The following DGKB variants were observed in gnomAD, a reference collection of about 807,000 sequenced individuals.
DGKB encodes diacylglycerol kinase beta, also known as 90 kDa diacylglycerol kinase.
In DGKB, 67 loss-of-function variants were observed where a neutral mutation model predicts 114.3. That is an observed-to-expected ratio of 0.59 (90% confidence interval 0.48 to 0.72). The LOEUF (loss-of-function observed/expected upper bound fraction) is 0.72, where lower values mean the gene tolerates loss of function less well. Among genes scored for constraint, DGKB ranks in the 30% least tolerant of loss-of-function variants. The pLI, the probability that DGKB is intolerant of heterozygous loss-of-function variation, is 0.00. For missense variants in DGKB, 907 were observed against 975.2 expected (o/e 0.93, Z 0.93); for synonymous variants, 398 against 323.1 (o/e 1.23, Z -2.49).
chr7:14,672,865 GGTAT>G, intron 13 of DGKB, 60 bp downstream of exon 13: 1 of 900,266 alleles, frequency 1.1e-6, no homozygotes, highest in Non-Finnish European at 1.7e-6. Flanking sequence ...AGCTTTTAAT[GGTAT>G]ACGATACTGA....
At chr7:14,182,800 A>G (rs1178654606) in intron 23 of DGKB, among the ~76,000 whole-genome samples, 1 of 152,170 alleles carries the variant, frequency 6.6e-6, no homozygotes, top group African/African-American at 2.4e-5. Flanking sequence ...ATGTCTCATT[A>G]TGTAATTGTT....
intron 2 of DGKB, among the ~76,000 whole-genome samples, chr7:14,785,783 C>G (rs1405363851): frequency 6.6e-6 from 1 of 152,070 alleles, no homozygotes; most frequent in Non-Finnish European, 1.5e-5. Flanking sequence ...ATTTCTGAAA[C>G]ACCACGTGAA....
At chr7:14,388,655 G>A (rs1211319024) in intron 21 of DGKB, among the ~76,000 whole-genome samples, 1 of 151,938 alleles carries the variant, frequency 6.6e-6, no homozygotes, top group Non-Finnish European at 1.5e-5. Flanking sequence ...AAAATTGTAA[G>A]AATAAGTAAA....
At chr7:14,768,599 C>T (rs1457185319) in intron 2 of DGKB, among the ~76,000 whole-genome samples, 1 of 148,012 alleles carries the variant, frequency 6.8e-6, no homozygotes, top group Non-Finnish European at 1.5e-5. Flanking sequence ...TGTTATAATT[C>T]AGGAATATCT....
Position 14,887,788 on chromosome 7 carries a change from C to T in DGKB, c.-188+14804G>A, listed in dbSNP as rs1313668620. Among the ~76,000 whole-genome samples, 7 of 151,554 alleles carry T rather than the reference C, an allele frequency of 4.6e-5. 1 individual carries two copies. The South Asian group carries it at 1.5e-3, about 31-fold the overall frequency. On this transcript the variant is annotated intron_variant, in intron 1 of 25. Transcript: ENST00000402815. Reference sequence around the variant, plus strand: ...TTTAATTTTTACTCTCTATCTTCTCCAAGAAAATGAAAATTTTAAAATATG... The same window carrying T: ...TTTAATTTTTACTCTCTATCTTCTCTAAGAAAATGAAAATTTTAAAATATG...
chr7:14,616,187 G>A lies in DGKB; in HGVS notation c.1285-2774C>T, dbSNP rs550434169. 1.0e-4 allele frequency among the ~76,000 whole-genome samples: 15 copies of A among 146,966 alleles called. No homozygotes were observed. In the South Asian group the frequency reaches 2.3e-3, roughly 23 times the overall value. ...TTCCTACATATAAAAACATTCTCTCGTATATACATATATATACATATATAT... is the reference window on the plus strand; with the variant it reads ...TTCCTACATATAAAAACATTCTCTCATATATACATATATATACATATATAT... On this transcript the variant is annotated intron_variant, in intron 15 of 25. Coordinates refer to ENST00000402815, the MANE Select transcript of DGKB (RefSeq NM_001350709.2).
At chr7:14,558,231 T>A (rs896770719) in intron 20 of DGKB, among the ~76,000 whole-genome samples, 6 of 151,542 alleles carry the variant, frequency 4.0e-5, no homozygotes, top group Non-Finnish European at 8.8e-5. Flanking sequence ...ACAGCATTGT[T>A]AGTAATGAAT....
chr7:14,935,262 T>C (rs1785215366), intron 1 of DGKB, among the ~76,000 whole-genome samples: 1 of 125,748 alleles, frequency 8.0e-6, no homozygotes, highest in African/African-American at 3.8e-5. Context: ...ACTGAGCTAT[T>C]TATCAAGGAG....
intron 8 of DGKB, among the ~76,000 whole-genome samples, 195 bp downstream of exon 8, chr7:14,697,898 GAA>G (rs1352020712): frequency 1.6e-5 from 2 of 126,176 alleles, no homozygotes; most frequent in Non-Finnish European, 3.2e-5. Flanking sequence ...GAAAGAAAGA[GAA>G]AGAGAGAAGG....
rs1330731870 is a variant in DGKB at position 14,736,178 on chromosome 7, C to G, written c.185G>C (p.Gly62Ala). Residue 62 changes from glycine to alanine, a missense_variant, in exon 5 of 26, where the codon GGT becomes GCT. Transcript: ENST00000402815. ...GAATGTCTTCATGAATAGTTTGAAA[C>G]CTTCAAAATCTATTGTCTGGAAAAA... ...DILNQTIDFE[G>A]FKLFMKTFLE... 1.3e-6 allele frequency: 2 copies of G among 1,567,488 alleles called. No homozygotes were observed. The highest frequency in any genetic ancestry group is 1.9e-5 in the Admixed American group (1 of 53,276).
intron 17 of DGKB, among the ~76,000 whole-genome samples, chr7:14,590,562 G>A (rs1308631615): frequency 1.3e-5 from 2 of 152,072 alleles, no homozygotes; most frequent in Non-Finnish European, 2.9e-5. Context: ...CTTACTCTCT[G>A]TAAATTGATT....
intron 4 of DGKB, among the ~76,000 whole-genome samples, chr7:14,751,628 A>G (rs538077152): frequency 6.6e-6 from 1 of 152,322 alleles, no homozygotes; most frequent in East Asian, 1.9e-4. Context: ...GTGAAGCAAT[A>G]CAACAGACAA....
intron 20 of DGKB, among the ~76,000 whole-genome samples, chr7:14,552,386 G>A (rs1028830904): frequency 1.3e-5 from 2 of 152,266 alleles, no homozygotes; most frequent in South Asian, 4.1e-4. Context: ...TTATACTAAT[G>A]TAAGTACACT....
chr7:14,623,097 A>G (rs1305511852), intron 14 of DGKB, among the ~76,000 whole-genome samples: 1 of 152,208 alleles, frequency 6.6e-6, no homozygotes, highest in African/African-American at 2.4e-5. Context: ...GTGACTAACA[A>G]AAGTCAGGAT....
At chr7:14,314,433 T>C (rs1449163883) in intron 23 of DGKB, among the ~76,000 whole-genome samples, 1 of 151,308 alleles carries the variant, frequency 6.6e-6, no homozygotes, top group Non-Finnish European at 1.5e-5. Flanking sequence ...AGAGAAGTGC[T>C]TAAAGGAGCT....
chr7:14,192,524 C>T (rs1784453857), intron 23 of DGKB, among the ~76,000 whole-genome samples: 1 of 151,956 alleles, frequency 6.6e-6, no homozygotes, highest in African/African-American at 2.4e-5. Flanking sequence ...TTTAAATGGT[C>T]ATAGTACCCA....
At chr7:14,959,201 A>C (rs1410617976) in intron 1 of DGKB, among the ~76,000 whole-genome samples, 1 of 151,944 alleles carries the variant, frequency 6.6e-6, no homozygotes, top group African/African-American at 2.4e-5. Context: ...AATATTATAC[A>C]TTTCATCATA....
intron 21 of DGKB, among the ~76,000 whole-genome samples, chr7:14,348,071 G>A (rs1329546767): frequency 6.6e-6 from 1 of 151,908 alleles, no homozygotes; most frequent in East Asian, 1.9e-4. Flanking sequence ...CAACCACAAT[G>A]CTGACATTGA....
intron 13 of DGKB, among the ~76,000 whole-genome samples, chr7:14,637,313 T>C (rs371529817): frequency 6.6e-6 from 1 of 151,846 alleles, no homozygotes; most frequent in African/African-American, 2.4e-5. Flanking sequence ...CAGAAAAAGG[T>C]TTTATAAAAC....
Sources: gnomAD v4.1 joint callset for allele counts (sites outside exome capture counted in the v4.1 genomes callset) on GRCh38, gnomAD v4.1.1 for gene constraint, MANE v1.5 for transcripts, NCBI Gene and HGNC (gene_info 2026-07-23, HGNC 2026-07-21) for gene names.